Variants in ITPR2 observed in about 807,000 individuals in gnomAD.
ITPR2 encodes the protein inositol 1,4,5-trisphosphate receptor type 2.
A neutral mutation model predicts 317.1 loss-of-function variants in ITPR2; 207 were observed. That is an observed-to-expected ratio of 0.65 (90% CI 0.58 to 0.73). The LOEUF (loss-of-function observed/expected upper bound fraction) is 0.73. Among genes scored for constraint, ITPR2 ranks in the 30% least tolerant of loss-of-function variants. The pLI is 0.00. For missense variants in ITPR2, 2,613 were observed against 3,284.0 expected (o/e 0.80, Z 4.99); for synonymous variants, 1,156 against 1,149.1 (o/e 1.01, Z -0.12).
At chr12:26,608,780 T>C (rs1425448575) in intron 26 of ITPR2, among the ~76,000 whole-genome samples, 7 of 119,274 alleles carry the variant, frequency 5.9e-5, no homozygotes, top group Admixed American at 5.2e-4. Flanking sequence ...AAGTTTACTT[T>C]TAAATTAAAA....
intron 48 of ITPR2, among the ~76,000 whole-genome samples, chr12:26,435,096 A>C (rs185716462): frequency 1.3e-5 from 2 of 152,294 alleles, no homozygotes; most frequent in East Asian, 3.9e-4. Context: ...GTGGTTATTC[A>C]TGACTACTCA....
At chr12:26,506,412 G>A (rs548771422) in intron 37 of ITPR2, among the ~76,000 whole-genome samples, 12 of 151,524 alleles carry the variant, frequency 7.9e-5, no homozygotes, top group Admixed American at 4.0e-4. Flanking sequence ...GGAGGCTGAG[G>A]TGGGAGGATC....
At chr12:26,539,218 G>A (rs537560507) in intron 37 of ITPR2, among the ~76,000 whole-genome samples, 78 of 152,252 alleles carry the variant, frequency 5.1e-4, no homozygotes, top group South Asian at 3.5e-3. Flanking sequence ...CCTCTCAACC[G>A]TAACACCATT....
intron 1 of ITPR2, among the ~76,000 whole-genome samples, chr12:26,830,596 C>T (rs1024287655): frequency 6.6e-6 from 1 of 152,196 alleles, no homozygotes; most frequent in Non-Finnish European, 1.5e-5. Context: ...TGATCAGGGT[C>T]GACTCCACAA....
At chr12:26,489,484 C>G (rs1236937984) in intron 39 of ITPR2, among the ~76,000 whole-genome samples, 2 of 152,208 alleles carry the variant, frequency 1.3e-5, no homozygotes, top group Non-Finnish European at 2.9e-5. Context: ...TGAAACCTAT[C>G]TCTATCTCTA....
At chr12:26,790,895 T>C (rs1950330050) in intron 1 of ITPR2, among the ~76,000 whole-genome samples, 1 of 152,208 alleles carries the variant, frequency 6.6e-6, no homozygotes, top group Non-Finnish European at 1.5e-5. Context: ...AATATCTACC[T>C]CACAGTATTG....
chr12:26,589,260 T>C (rs1453450692), intron 32 of ITPR2, among the ~76,000 whole-genome samples: 1 of 152,136 alleles, frequency 6.6e-6, no homozygotes, highest in Admixed American at 6.5e-5. Context: ...ACCAGTTTAT[T>C]AAAAATAATC....
At chr12:26,471,738 A>C (rs528354958) in intron 45 of ITPR2, among the ~76,000 whole-genome samples, 8 of 152,342 alleles carry the variant, frequency 5.3e-5, no homozygotes, top group African/African-American at 1.9e-4. Flanking sequence ...AACAAAGAGG[A>C]AGTTGCATCT....
intron 36 of ITPR2, among the ~76,000 whole-genome samples, chr12:26,554,205 T>G (rs1056483669): frequency 8.5e-5 from 13 of 152,206 alleles, no homozygotes; most frequent in African/African-American, 3.1e-4. Context: ...AACAGAACTC[T>G]CTGCAAAAAT....
At chr12:26,598,442 A>T (rs187584586) in intron 30 of ITPR2, among the ~76,000 whole-genome samples, 1 of 152,296 alleles carries the variant, frequency 6.6e-6, no homozygotes, top group African/African-American at 2.4e-5. Flanking sequence ...CCTTAACCCA[A>T]ATGGGCCACT....
At chr12:26,620,467 CA>C in intron 26 of ITPR2, among the ~76,000 whole-genome samples, 1 of 152,272 alleles carries the variant, frequency 6.6e-6, no homozygotes, top group Middle Eastern at 3.4e-3. Context: ...CAGGCATTTA[CA>C]AAACTTTTTG....
chr12:26,538,262 C>T (rs963795196), intron 37 of ITPR2, among the ~76,000 whole-genome samples: 1 of 151,932 alleles, frequency 6.6e-6, no homozygotes, highest in African/African-American at 2.4e-5. Flanking sequence ...GAGTAAACCC[C>T]ATAAAAGTTT....
At chr12:26,825,805 A>G (rs1472467297) in intron 1 of ITPR2, among the ~76,000 whole-genome samples, 1 of 152,246 alleles carries the variant, frequency 6.6e-6, no homozygotes, top group African/African-American at 2.4e-5. Flanking sequence ...CTTAATTTCA[A>G]GTTCCACAAC....
At chr12:26,824,782 A>AT (rs1422154669) in intron 1 of ITPR2, among the ~76,000 whole-genome samples, 1 of 152,128 alleles carries the variant, frequency 6.6e-6, no homozygotes, top group Non-Finnish European at 1.5e-5. Context: ...ATGCTGTTCT[A>AT]TTTTCCATAT....
intron 45 of ITPR2, among the ~76,000 whole-genome samples, chr12:26,461,359 T>C (rs1942014218): frequency 6.6e-6 from 1 of 152,150 alleles, no homozygotes; most frequent in Non-Finnish European, 1.5e-5. Context: ...GCCAACTACA[T>C]ACAGCTCCTA....
intron 26 of ITPR2, among the ~76,000 whole-genome samples, chr12:26,619,877 TA>T (rs1946455200): frequency 6.6e-6 from 1 of 152,186 alleles, no homozygotes; most frequent in African/African-American, 2.4e-5. Flanking sequence ...TTCCAGGAGC[TA>T]AGTACCAGGA....
chr12:26,626,513 T>A (rs1213559658), intron 23 of ITPR2, among the ~76,000 whole-genome samples: 2 of 152,216 alleles, frequency 1.3e-5, no homozygotes, highest in East Asian at 3.8e-4. Context: ...GAGTCAATAA[T>A]TTTTATGCTA....
At chr12:26,598,848 A>G (rs1945919634) in intron 30 of ITPR2, among the ~76,000 whole-genome samples, 1 of 152,188 alleles carries the variant, frequency 6.6e-6, no homozygotes, top group Non-Finnish European at 1.5e-5. Flanking sequence ...AAAATATAAA[A>G]TTTTGTCACT....
chr12:26,630,175 A>G (rs551647177), intron 22 of ITPR2, among the ~76,000 whole-genome samples: 26 of 152,358 alleles, frequency 1.7e-4, no homozygotes, highest in African/African-American at 6.3e-4. Flanking sequence ...TTTTTAAAGT[A>G]AAGGATAAAT....
Sources: allele counts gnomAD v4.1 joint callset (sites outside exome capture counted in the v4.1 genomes callset), GRCh38; gene constraint gnomAD v4.1.1; transcripts MANE v1.5; gene names NCBI Gene and HGNC (gene_info 2026-07-23, HGNC 2026-07-21).